The following TRIM49 variants were observed in gnomAD, a reference collection of about 807,000 sequenced individuals.
The protein encoded by TRIM49 is tripartite motif containing 49.
TRIM49 carries 5 observed loss-of-function variants against 27.4 expected under a neutral mutation model. That is an observed-to-expected ratio of 0.18 (90% CI 0.10 to 0.38). The LOEUF is 0.38. Ranked by LOEUF, TRIM49 falls within the 10% of genes least tolerant of loss-of-function variation. The pLI, the probability that TRIM49 is intolerant of heterozygous loss-of-function variation, is 1.00. For synonymous variants in TRIM49, 69 were observed against 166.0 expected, an observed-to-expected ratio of 0.42 and a Z score of 4.49; for missense variants, 188 against 487.5, an observed-to-expected ratio of 0.39 and a Z score of 5.79.
chr11:89,772,989 G>A, the TRIM49 span, among the ~76,000 whole-genome samples: 4 of 135,532 alleles, frequency 3.0e-5, no homozygotes, highest in Non-Finnish European at 4.5e-5. Flanking sequence ...TCAGGAGTTC[G>A]AGTCCAGCCT....
the TRIM49 span, among the ~76,000 whole-genome samples, chr11:89,767,940 A>G: frequency 7.3e-6 from 1 of 137,592 alleles, no homozygotes; most frequent in East Asian, 2.1e-4. Flanking sequence ...TGAACCATAC[A>G]TGAATGGTTC....
chr11:89,777,191 A>G, the TRIM49 span: 3 of 1,548,968 alleles, frequency 1.9e-6, no homozygotes, highest in South Asian at 1.2e-5. Flanking sequence ...GTGGTACTCA[A>G]AAAGCTGTCT....
At chr11:89,805,152 T>A (rs1949778975) in intron 2 of TRIM49, among the ~76,000 whole-genome samples, 1 of 151,714 alleles carries the variant, frequency 6.6e-6, no homozygotes, top group Non-Finnish European at 1.5e-5. Flanking sequence ...AGAAAAATTA[T>A]TAAAGATATT....
the TRIM49 span, among the ~76,000 whole-genome samples, chr11:89,791,044 T>A: frequency 1.8e-3 from 263 of 147,994 alleles, 10 homozygotes; most frequent in African/African-American, 6.5e-3. Flanking sequence ...TGTAGAGAAG[T>A]CCTTAAATGA....
chr11:89,770,621 A>T, the TRIM49 span, among the ~76,000 whole-genome samples: 1 of 141,874 alleles, frequency 7.0e-6, no homozygotes, highest in African/African-American at 2.9e-5. Flanking sequence ...GCACTTTGGG[A>T]GGTCGAGGTG....
At chr11:89,783,912 G>A in the TRIM49 span, among the ~76,000 whole-genome samples, 2 of 143,612 alleles carry the variant, frequency 1.4e-5, no homozygotes, top group Admixed American at 1.3e-4. Context: ...TCTGTGTGCA[G>A]GAAACTCCCA....
At chr11:89,792,732 C>G (rs553194457), downstream of TRIM49, among the ~76,000 whole-genome samples, 1 of 152,210 alleles carries the variant, frequency 6.6e-6, no homozygotes, top group South Asian at 2.1e-4. Context: ...ATCTCTGGGA[C>G]ACATTTAAAG....
At chr11:89,805,589 A>G (rs1318169776) in intron 2 of TRIM49, among the ~76,000 whole-genome samples, 5 of 151,718 alleles carry the variant, frequency 3.3e-5, no homozygotes, top group Non-Finnish European at 7.4e-5. Context: ...GAGACAGCCT[A>G]TATTGGAACT....
At chr11:89,774,032 G>A in the TRIM49 span, among the ~76,000 whole-genome samples, 16 of 141,240 alleles carry the variant, frequency 1.1e-4, 3 homozygotes, top group South Asian at 6.7e-4. Flanking sequence ...ACAGAGTCTC[G>A]CTCTGTCACC....
At chr11:89,773,176 G>A in the TRIM49 span, among the ~76,000 whole-genome samples, 4,102 of 129,956 alleles carry the variant, frequency 0.032, 180 homozygotes, top group African/African-American at 0.065. Flanking sequence ...GGGTGACAGA[G>A]GGAGACTGCG....
chr11:89,792,222 A>AG, the TRIM49 span, among the ~76,000 whole-genome samples: 1 of 151,750 alleles, frequency 6.6e-6, no homozygotes, highest in Admixed American at 6.6e-5. Flanking sequence ...CACCCAATAC[A>AG]GGAGCACTCA....
At chr11:89,791,336 A>G in the TRIM49 span, among the ~76,000 whole-genome samples, 1 of 152,216 alleles carries the variant, frequency 6.6e-6, no homozygotes, top group African/African-American at 2.4e-5. Context: ...ATTATCCAGG[A>G]GAACTTCCCC....
chr11:89,769,488 A>G, the TRIM49 span, among the ~76,000 whole-genome samples: 1 of 136,084 alleles, frequency 7.3e-6, no homozygotes, highest in Admixed American at 6.9e-5. Flanking sequence ...AGTTATGGAA[A>G]CCCATGCTAC....
At chr11:89,778,214 C>T in the TRIM49 span, among the ~76,000 whole-genome samples, 26 of 151,502 alleles carry the variant, frequency 1.7e-4, no homozygotes, top group Admixed American at 1.1e-3. Flanking sequence ...ATTGGATAAA[C>T]GGCATGATGT....
At chr11:89,802,725 T>C (rs1178165876) in intron 4 of TRIM49, among the ~76,000 whole-genome samples, 1 of 151,096 alleles carries the variant, frequency 6.6e-6, no homozygotes, top group Non-Finnish European at 1.5e-5. Flanking sequence ...TTTGAATTTT[T>C]CAGTGAGTCT....
At chr11:89,791,786 A>C in the TRIM49 span, among the ~76,000 whole-genome samples, 1 of 152,208 alleles carries the variant, frequency 6.6e-6, no homozygotes, top group Non-Finnish European at 1.5e-5. Flanking sequence ...CCACTGCAAA[A>C]ACATGCCAAA....
At chr11:89,768,991 C>T in the TRIM49 span, among the ~76,000 whole-genome samples, 3 of 135,506 alleles carry the variant, frequency 2.2e-5, 1 homozygote, top group African/African-American at 1.0e-4. Context: ...CTAGCCTGGA[C>T]AACATGGCAA....
intron 4 of TRIM49, among the ~76,000 whole-genome samples, chr11:89,802,805 C>T (rs1949749439): frequency 6.6e-6 from 1 of 150,562 alleles, no homozygotes; most frequent in Non-Finnish European, 1.5e-5. Context: ...TCCTTTTCTA[C>T]TTCCCTGCTT....
the TRIM49 span, chr11:89,768,071 C>T: frequency 7.3e-6 from 4 of 549,532 alleles, 1 homozygote; most frequent in Admixed American, 8.0e-5. Flanking sequence ...AATATAAATA[C>T]CTATTCACAG....
Sources: gnomAD v4.1 joint callset for allele counts (sites outside exome capture counted in the v4.1 genomes callset) on GRCh38, gnomAD v4.1.1 for gene constraint, MANE v1.5 for transcripts, NCBI Gene and HGNC (gene_info 2026-07-23, HGNC 2026-07-21) for gene names.